ELAVL2: variants seen among roughly 807,000 people sequenced by gnomAD.
The protein encoded by ELAVL2 is ELAV like RNA binding protein 2.
In ELAVL2, 4 loss-of-function variants were observed where a neutral mutation model predicts 34.6. The observed-to-expected ratio is 0.12, with a 90% CI of 0.06 to 0.26. ELAVL2 has a LOEUF of 0.26. ELAVL2 is among the 10% of genes least tolerant of loss of function. ELAVL2 has a pLI of 1.00. For synonymous variants in ELAVL2, 193 were observed against 154.8 expected (o/e 1.25, Z -1.83); for missense variants, 432 against 442.8 (o/e 0.98, Z 0.22).
At chr9:23,826,819 C>A (rs1430743675), upstream of ELAVL2, among the ~76,000 whole-genome samples, 1 of 152,140 alleles carries the variant, frequency 6.6e-6, no homozygotes, top group East Asian at 1.9e-4. Context: ...CATTATTTGC[C>A]CGCATGCCTT....
intron 4 of ELAVL2, among the ~76,000 whole-genome samples, chr9:23,703,695 G>T (rs1000625748): frequency 1.3e-5 from 2 of 152,214 alleles, no homozygotes; most frequent in South Asian, 2.1e-4. Context: ...TGCTTTAAAA[G>T]AATTAGACAT....
At chr9:23,833,389 A>G in the ELAVL2 span, among the ~76,000 whole-genome samples, 1 of 151,898 alleles carries the variant, frequency 6.6e-6, no homozygotes, top group Non-Finnish European at 1.5e-5. Flanking sequence ...TCAAATTGAA[A>G]ATATGCACAC....
chr9:23,783,671 G>A (rs1006274913), intron 1 of ELAVL2, among the ~76,000 whole-genome samples: 1 of 152,128 alleles, frequency 6.6e-6, no homozygotes, highest in African/African-American at 2.4e-5. Context: ...GGATAACCAA[G>A]ATGACTCAGA....
At chr9:23,699,401 C>A (rs926746057) in intron 5 of ELAVL2, among the ~76,000 whole-genome samples, 2 of 152,192 alleles carry the variant, frequency 1.3e-5, no homozygotes, top group Admixed American at 6.5e-5. Flanking sequence ...CAAACAAAAT[C>A]ATTGCTTCAA....
At chr9:23,739,504 G>C (rs2048650137) in intron 2 of ELAVL2, among the ~76,000 whole-genome samples, 1 of 152,120 alleles carries the variant, frequency 6.6e-6, no homozygotes, top group East Asian at 1.9e-4. Flanking sequence ...TCATTTCTTT[G>C]TTAATTATAA....
At chr9:23,821,608 CTG>C (rs1262791981) in intron 1 of ELAVL2, 1 of 152,372 alleles carries the variant, frequency 6.6e-6, no homozygotes, top group Non-Finnish European at 1.5e-5. Flanking sequence ...CACTTGCCTG[CTG>C]TGACTCGAAG....
the ELAVL2 span, among the ~76,000 whole-genome samples, chr9:23,843,973 C>T: frequency 1.7e-3 from 261 of 152,136 alleles, 2 homozygotes; most frequent in African/African-American, 5.0e-3. Flanking sequence ...CTTGTTCTCT[C>T]TCATCATAAG....
chr9:23,728,705 G>T (rs1415766101), intron 3 of ELAVL2, among the ~76,000 whole-genome samples: 1 of 152,040 alleles, frequency 6.6e-6, no homozygotes, highest in Admixed American at 6.6e-5. Context: ...GTGAATACTA[G>T]AAAAACTTGG....
rs563830020 is a variant in ELAVL2 at position 23,694,916 on chromosome 9, A to G, written c.714-1430T>C. ...CCTTGACCCACCACCCTCTCATTGC[A>G]CCACTGAGCACAAGCCAGGGTCACT... On this transcript the variant is annotated intron_variant, in intron 5 of 6. Transcript: ENST00000397312. Among the ~76,000 whole-genome samples, 3 of 152,262 alleles carry G rather than the reference A, an allele frequency of 2.0e-5. No homozygotes were observed. The South Asian group carries it at 6.2e-4, about 32-fold the overall frequency.
the ELAVL2 span, among the ~76,000 whole-genome samples, chr9:23,833,594 A>G: frequency 6.6e-6 from 1 of 151,896 alleles, no homozygotes. Flanking sequence ...ATCTTTTAGC[A>G]TGAAATTAGT....
intron 2 of ELAVL2, among the ~76,000 whole-genome samples, chr9:23,737,188 A>T (rs1301051456): frequency 6.6e-6 from 1 of 152,242 alleles, no homozygotes; most frequent in Non-Finnish European, 1.5e-5. Flanking sequence ...AAGACAGATC[A>T]TTAAATGTTC....
At chr9:23,740,423 C>A (rs1362932653) in intron 2 of ELAVL2, among the ~76,000 whole-genome samples, 2 of 152,180 alleles carry the variant, frequency 1.3e-5, no homozygotes, top group African/African-American at 2.4e-5. Flanking sequence ...ACACTACAAT[C>A]AACCTTTCCA....
intron 1 of ELAVL2, among the ~76,000 whole-genome samples, chr9:23,809,256 G>A (rs924516803): frequency 2.0e-5 from 3 of 152,070 alleles, no homozygotes; most frequent in Non-Finnish European, 2.9e-5. Context: ...GTTTACACCA[G>A]CTTTCCATAG....
chr9:23,723,322 C>CA (rs1003756118), intron 3 of ELAVL2, among the ~76,000 whole-genome samples: 25 of 151,360 alleles, frequency 1.7e-4, no homozygotes, highest in East Asian at 1.6e-3. Flanking sequence ...ATCACAAGGA[C>CA]AAAAAACCAA....
intron 3 of ELAVL2, among the ~76,000 whole-genome samples, chr9:23,711,305 G>C (rs1359370587): frequency 2.6e-5 from 4 of 152,228 alleles, no homozygotes; most frequent in South Asian, 2.1e-4. Flanking sequence ...ATCGTGACTG[G>C]ATTTGTTGAA....
chr9:23,765,112 C>A, intron 1 of ELAVL2: 1 of 1,584,502 alleles, frequency 6.3e-7, no homozygotes, highest in Non-Finnish European at 8.5e-7. Context: ...GCAATATGGA[C>A]ACAAAAAGTA....
intron 1 of ELAVL2, among the ~76,000 whole-genome samples, chr9:23,808,739 T>A (rs535349978): frequency 6.6e-6 from 1 of 152,280 alleles, no homozygotes; most frequent in South Asian, 2.1e-4. Context: ...TTTGAGACGA[T>A]AACAGAGAAT....
intron 1 of ELAVL2, among the ~76,000 whole-genome samples, chr9:23,796,909 T>G (rs1056553797): frequency 2.6e-5 from 4 of 152,184 alleles, no homozygotes; most frequent in African/African-American, 9.7e-5. Flanking sequence ...AACCCCATTT[T>G]CCTCATTCCA....
At chr9:23,770,953 G>C (rs1355013862) in intron 1 of ELAVL2, among the ~76,000 whole-genome samples, 1 of 152,204 alleles carries the variant, frequency 6.6e-6, no homozygotes, top group Admixed American at 6.5e-5. Flanking sequence ...AGTAGGAGGA[G>C]ATGAGTCTAA....
Sources: allele counts gnomAD v4.1 joint callset (sites outside exome capture counted in the v4.1 genomes callset), GRCh38; gene constraint gnomAD v4.1.1; transcripts MANE v1.5; gene names NCBI Gene and HGNC (gene_info 2026-07-23, HGNC 2026-07-21).